SGCZ: variants seen among roughly 807,000 people sequenced by gnomAD.
SGCZ encodes the protein sarcoglycan zeta.
SGCZ carries 40 observed loss-of-function variants against 41.3 expected under a neutral mutation model. The ratio of observed to expected loss-of-function variants is 0.97; its 90% CI spans 0.75 to 1.26. SGCZ has a LOEUF of 1.26. Among genes scored for constraint, SGCZ ranks in the 50% most tolerant of loss-of-function variants. SGCZ has a pLI of 0.00. For missense variants in SGCZ, 552 were observed against 369.8 expected, an observed-to-expected ratio of 1.49 and a Z score of -4.04; for synonymous variants, 206 against 137.5, an observed-to-expected ratio of 1.50 and a Z score of -3.49.
At chr8:15,183,836 T>C (rs772401820) in intron 1 of SGCZ, among the ~76,000 whole-genome samples, 1 of 152,180 alleles carries the variant, frequency 6.6e-6, no homozygotes, top group Non-Finnish European at 1.5e-5. Flanking sequence ...TCTCACAAAA[T>C]CTCACAGTTC....
intron 1 of SGCZ, among the ~76,000 whole-genome samples, chr8:14,656,048 A>G (rs965226826): frequency 2.0e-5 from 3 of 152,080 alleles, no homozygotes; most frequent in African/African-American, 2.4e-5. Flanking sequence ...TCTTACAGAT[A>G]AAGCTTCTGT....
intron 3 of SGCZ, among the ~76,000 whole-genome samples, chr8:14,321,193 TA>T (rs1801905971): frequency 6.6e-6 from 1 of 152,084 alleles, no homozygotes; most frequent in Admixed American, 6.6e-5. Flanking sequence ...GTTCTATGAG[TA>T]ATCTTCCCTG....
At chr8:14,589,246 T>A (rs981613509) in intron 1 of SGCZ, among the ~76,000 whole-genome samples, 1 of 150,890 alleles carries the variant, frequency 6.6e-6, no homozygotes, top group Admixed American at 6.7e-5. Flanking sequence ...TTTGGGAGGC[T>A]GAGGCAGGAG....
At chr8:14,889,056 A>G (rs562773252) in intron 1 of SGCZ, among the ~76,000 whole-genome samples, 40 of 152,256 alleles carry the variant, frequency 2.6e-4, no homozygotes, top group East Asian at 1.7e-3. Context: ...CTTCACCCCA[A>G]TAACTTTCCT....
chr8:14,309,095 G>A (rs1334303073), intron 3 of SGCZ: 3 of 1,444,808 alleles, frequency 2.1e-6, no homozygotes, highest in African/African-American at 2.8e-5. Flanking sequence ...ATCTCATCAG[G>A]AGGTTGCTAA....
chr8:14,757,108 G>T (rs1200394962), intron 1 of SGCZ, among the ~76,000 whole-genome samples: 1 of 152,068 alleles, frequency 6.6e-6, no homozygotes, highest in African/African-American at 2.4e-5. Context: ...GAGTGCAATG[G>T]CACGATCTCA....
At chr8:15,080,616 G>C (rs925069668) in intron 1 of SGCZ, among the ~76,000 whole-genome samples, 1 of 152,028 alleles carries the variant, frequency 6.6e-6, no homozygotes, top group Non-Finnish European at 1.5e-5. Context: ...TTTTGAGACA[G>C]AGTCTTGCTC....
intron 1 of SGCZ, among the ~76,000 whole-genome samples, chr8:14,920,276 T>C (rs1336824212): frequency 6.6e-6 from 1 of 152,142 alleles, no homozygotes; most frequent in South Asian, 2.1e-4. Flanking sequence ...GAAGTAGTGC[T>C]ATAATAAGAT....
chr8:14,526,824 G>C (rs781445949), intron 2 of SGCZ, among the ~76,000 whole-genome samples: 4 of 152,012 alleles, frequency 2.6e-5, no homozygotes, highest in Middle Eastern at 3.4e-3. Flanking sequence ...TGACAGATTC[G>C]TACCACATAC....
chr8:14,554,156 G>T (rs1396794170), intron 2 of SGCZ, among the ~76,000 whole-genome samples: 12 of 152,016 alleles, frequency 7.9e-5, no homozygotes, highest in Admixed American at 7.9e-4. Context: ...TGATTTAATT[G>T]CTGGTTTATC....
At chr8:15,151,097 T>A (rs1021264840) in intron 1 of SGCZ, among the ~76,000 whole-genome samples, 7 of 152,254 alleles carry the variant, frequency 4.6e-5, no homozygotes, top group Non-Finnish European at 1.0e-4. Flanking sequence ...CACACTTCGC[T>A]GGAGCGGCCT....
intron 1 of SGCZ, among the ~76,000 whole-genome samples, chr8:14,999,315 T>TA (rs1458362203): frequency 2.6e-5 from 4 of 152,166 alleles, no homozygotes. Flanking sequence ...CTTGCTGAGA[T>TA]ACGTGTTAAT....
intron 4 of SGCZ, among the ~76,000 whole-genome samples, chr8:14,191,599 A>G (rs929033217): frequency 1.3e-5 from 2 of 152,134 alleles, no homozygotes; most frequent in Admixed American, 6.5e-5. Flanking sequence ...ACTGTGTAAA[A>G]CTCAAACACA....
At chr8:14,533,358 A>T (rs1461851) in intron 2 of SGCZ, among the ~76,000 whole-genome samples, 151,795 of 152,166 alleles carry the variant, frequency 1, 75,717 homozygotes, top group Non-Finnish European at 1. Flanking sequence ...TTTTCTTATC[A>T]AATTAAAATA....
At chr8:15,213,418 T>C (rs1801301254) in intron 1 of SGCZ, among the ~76,000 whole-genome samples, 1 of 151,650 alleles carries the variant, frequency 6.6e-6, no homozygotes. Context: ...TTTCTATATG[T>C]GAAACATTAA....
At chr8:14,094,708 C>T (rs768487246) in intron 7 of SGCZ, among the ~76,000 whole-genome samples, 2 of 152,014 alleles carry the variant, frequency 1.3e-5, no homozygotes, top group Admixed American at 6.6e-5. Flanking sequence ...GAGGAATCTC[C>T]GCACTGTCTT....
At chr8:14,659,981 T>C (rs1807696211) in intron 1 of SGCZ, among the ~76,000 whole-genome samples, 4 of 152,206 alleles carry the variant, frequency 2.6e-5, no homozygotes, top group Admixed American at 2.6e-4. Context: ...TTAGGGAGAA[T>C]GCCATGTACA....
chr8:14,211,712 C>T (rs937929968), intron 4 of SGCZ, among the ~76,000 whole-genome samples: 7 of 152,118 alleles, frequency 4.6e-5, no homozygotes, highest in South Asian at 2.1e-4. Context: ...CATCACATCT[C>T]GTGAGAACTC....
chr8:14,106,323 T>C (rs560300632), intron 6 of SGCZ, among the ~76,000 whole-genome samples: 1 of 152,324 alleles, frequency 6.6e-6, no homozygotes, highest in African/African-American at 2.4e-5. Context: ...GAGCCATAAA[T>C]GAAGACCGTA....
Sources: gnomAD v4.1 joint callset for allele counts (sites outside exome capture counted in the v4.1 genomes callset) on GRCh38, gnomAD v4.1.1 for gene constraint, MANE v1.5 for transcripts, NCBI Gene and HGNC (gene_info 2026-07-23, HGNC 2026-07-21) for gene names.